Variants in KHDRBS2 observed in about 807,000 individuals in gnomAD.
KHDRBS2 encodes KH domain-containing, RNA-binding, signal transduction-associated protein 2.
Under a neutral mutation model 44.3 loss-of-function variants are expected in KHDRBS2, and 26 were observed. The observed-to-expected ratio is 0.59, with a 90% CI of 0.43 to 0.81. KHDRBS2 has a LOEUF of 0.81. KHDRBS2 is among the 40% of genes least tolerant of loss of function. The pLI, the probability that KHDRBS2 is intolerant of heterozygous loss-of-function variation, is 0.00. For synonymous variants in KHDRBS2, 194 were observed against 151.1 expected (o/e 1.28, Z -2.08); for missense variants, 476 against 433.1 (o/e 1.10, Z -0.88).
intron 1 of KHDRBS2, among the ~76,000 whole-genome samples, chr6:62,234,128 C>G (rs1833326450): frequency 6.6e-6 from 1 of 152,044 alleles, no homozygotes; most frequent in Non-Finnish European, 1.5e-5. Context: ...GAAATAAAAT[C>G]CTTTTGGGAT....
chr6:62,192,021 T>C (rs1824731822), intron 1 of KHDRBS2, among the ~76,000 whole-genome samples: 1 of 152,070 alleles, frequency 6.6e-6, no homozygotes, highest in Non-Finnish European at 1.5e-5. Flanking sequence ...TGGTTAAGTA[T>C]AATTTGGGTT....
intron 3 of KHDRBS2, among the ~76,000 whole-genome samples, chr6:62,045,949 C>CAAA (rs11397447): frequency 1.6e-4 from 21 of 133,466 alleles, no homozygotes; most frequent in African/African-American, 6.2e-4. Flanking sequence ...GCAAGTGGAA[C>CAAA]AAAAAAAAAA....
intron 4 of KHDRBS2, among the ~76,000 whole-genome samples, chr6:61,918,144 A>G (rs1807366145): frequency 1.3e-5 from 2 of 152,000 alleles, no homozygotes; most frequent in Non-Finnish European, 2.9e-5. Context: ...ATTATGTGGT[A>G]GAAAACACTT....
intron 4 of KHDRBS2, among the ~76,000 whole-genome samples, chr6:61,909,923 T>A (rs72882427): frequency 0.016 from 2,426 of 152,304 alleles, 35 homozygotes; most frequent in Non-Finnish European, 0.023. Flanking sequence ...TAAAACTGTG[T>A]TTATAGCCAC....
In KHDRBS2 at chr6:62,242,906, T is replaced by G. The variant is rs541039080; in HGVS notation, c.91+42952A>C. ...ACATGCTTTTTTGCTATCATATACT[T>G]TGTCAGGTGCCACAACCATAACACT... is the stretch of plus-strand genomic sequence containing the variant. On this transcript the variant is annotated intron_variant, in intron 1 of 8. Coordinates refer to ENST00000281156, the MANE Select transcript of KHDRBS2 (RefSeq NM_152688.4). 2.0e-5 allele frequency among the ~76,000 whole-genome samples: 3 copies of G among 152,224 alleles called. No homozygotes were observed. In the South Asian group the frequency reaches 6.2e-4, roughly 32 times the overall value.
At chr6:61,820,325 T>C (rs1789695572) in intron 6 of KHDRBS2, among the ~76,000 whole-genome samples, 1 of 151,938 alleles carries the variant, frequency 6.6e-6, no homozygotes, top group Non-Finnish European at 1.5e-5. Context: ...GTTTTGTAAG[T>C]GTAACCAAAA....
At chr6:62,151,723 C>T (rs1389173200) in intron 2 of KHDRBS2, among the ~76,000 whole-genome samples, 2 of 152,156 alleles carry the variant, frequency 1.3e-5, no homozygotes, top group South Asian at 2.1e-4. Context: ...TACACACACA[C>T]ACACACAACT....
intron 6 of KHDRBS2, among the ~76,000 whole-genome samples, chr6:61,754,192 C>T (rs1778148736): frequency 6.6e-6 from 1 of 152,212 alleles, no homozygotes; most frequent in Admixed American, 6.5e-5. Context: ...CTAAAAAATA[C>T]AGCTGGAGTT....
chr6:61,839,395 G>C (rs1793238094), intron 6 of KHDRBS2, among the ~76,000 whole-genome samples: 3 of 151,406 alleles, frequency 2.0e-5, no homozygotes, highest in South Asian at 4.2e-4. Context: ...ATAGATATTT[G>C]TAACAGGGTG....
At chr6:62,085,714 T>G (rs1021944497) in intron 2 of KHDRBS2, among the ~76,000 whole-genome samples, 14 of 152,112 alleles carry the variant, frequency 9.2e-5, no homozygotes, top group African/African-American at 3.4e-4. Flanking sequence ...TTTAGCAATG[T>G]ATTGACAAAT....
chr6:61,929,394 G>T (rs972873335), intron 4 of KHDRBS2, among the ~76,000 whole-genome samples: 2 of 152,144 alleles, frequency 1.3e-5, no homozygotes, highest in African/African-American at 4.8e-5. Flanking sequence ...TTTTCAACCT[G>T]CACCAATTTG....
intron 3 of KHDRBS2, among the ~76,000 whole-genome samples, chr6:62,013,028 T>A (rs1198738994): frequency 1.3e-5 from 2 of 152,182 alleles, no homozygotes; most frequent in Non-Finnish European, 2.9e-5. Flanking sequence ...GAGGATCACG[T>A]CATGCATTGT....
intron 6 of KHDRBS2, among the ~76,000 whole-genome samples, chr6:61,887,408 T>C (rs1444641057): frequency 6.6e-6 from 1 of 152,162 alleles, no homozygotes; most frequent in Non-Finnish European, 1.5e-5. Context: ...ATCTGTAAAA[T>C]GTAAATTTAC....
intron 1 of KHDRBS2, among the ~76,000 whole-genome samples, chr6:62,262,815 A>G (rs1453564364): frequency 1.3e-5 from 2 of 151,768 alleles, no homozygotes; most frequent in East Asian, 1.9e-4. Flanking sequence ...TGTGTACATT[A>G]TTGTCAAAAA....
chr6:62,030,507 G>A (rs1584258130), intron 3 of KHDRBS2, among the ~76,000 whole-genome samples: 1 of 151,548 alleles, frequency 6.6e-6, no homozygotes, highest in East Asian at 1.9e-4. Flanking sequence ...TCTGAATATT[G>A]GTACCTTCAT....
rs1408525150 is a variant in KHDRBS2 at position 62,255,650 on chromosome 6, ACACAC to A, written c.91+30203_91+30207del. Among the ~76,000 whole-genome samples the A allele has an allele frequency of 1.6e-3, 213 of 132,050 alleles. 1 individual carries two copies. The highest frequency in any genetic ancestry group is 5.5e-3 in the African/African-American group (206 of 37,240). The allele number at this position is 132,050 out of a possible 152,430, so 86.6% of individuals were successfully genotyped here. A position where few individuals can be genotyped will look rare whatever the true frequency, so the allele number is the denominator to read the frequency against. On this transcript the variant is annotated intron_variant, in intron 1 of 8. Transcript: ENST00000281156. The stretch of plus-strand genomic sequence containing the variant: ...CACACACACACACACACACACACAC[ACACAC>A]AATGTAGAAATAGTTGTTGTTTGCC...
At chr6:61,981,495 T>G (rs1773841178) in intron 3 of KHDRBS2, among the ~76,000 whole-genome samples, 1 of 152,024 alleles carries the variant, frequency 6.6e-6, no homozygotes, top group South Asian at 2.1e-4. Context: ...TGTTTGTTGT[T>G]GCTGTTTTTC....
At chr6:62,232,442 T>C (rs1245744007) in intron 1 of KHDRBS2, among the ~76,000 whole-genome samples, 2 of 152,136 alleles carry the variant, frequency 1.3e-5, no homozygotes, top group South Asian at 2.1e-4. Flanking sequence ...GACCAGATCA[T>C]TGCTCAATTA....
chr6:62,052,607 G>T (rs1452210161), intron 2 of KHDRBS2, among the ~76,000 whole-genome samples: 1 of 137,366 alleles, frequency 7.3e-6, no homozygotes, highest in African/African-American at 2.7e-5. Flanking sequence ...CTGGTGGGGT[G>T]GGGGTGGAGG....
Sources: gnomAD v4.1 joint callset for allele counts (sites outside exome capture counted in the v4.1 genomes callset) on GRCh38, gnomAD v4.1.1 for gene constraint, MANE v1.5 for transcripts, NCBI Gene and HGNC (gene_info 2026-07-23, HGNC 2026-07-21) for gene names.